Variants in DCAF17 observed in about 807,000 individuals in gnomAD.
DCAF17 encodes DDB1 and CUL4 associated factor 17.
Under a neutral mutation model 66.0 loss-of-function variants are expected in DCAF17, and 48 were observed. That is an observed-to-expected ratio of 0.73 (90% CI 0.58 to 0.92). The LOEUF (loss-of-function observed/expected upper bound fraction) is 0.92. Among genes scored for constraint, DCAF17 ranks in the 40% least tolerant of loss-of-function variants. The pLI is 0.00. For synonymous variants in DCAF17, 206 were observed against 214.6 expected (o/e 0.96, Z 0.35); for missense variants, 562 against 622.8 (o/e 0.90, Z 1.04).
intron 11 of DCAF17, 105 bp downstream of exon 11, chr2:171,477,055 C>T: frequency 1.2e-6 from 1 of 846,014 alleles, no homozygotes; most frequent in East Asian, 2.7e-5. Flanking sequence ...AACAACAGCA[C>T]AGCCCTATAA....
chr2:171,457,989 G>C lies in DCAF17; in HGVS notation c.646G>C (p.Asp216His). ...INKKIFGNVT[D>H]ATLSHGILIV... ...CCGCCAGATTTTTGGGAACGTTACA[G>C]ATGCTACCTTGTCTCATGGAATACT... The change falls in exon 7 of 14, where the codon GAT becomes CAT. Residue 216 changes from aspartate to histidine, a missense_variant. Physicochemically the swap from Asp to His is moderately conservative, Grantham distance 81. This residue lies in a region of DCAF17 where 348 missense variants were observed against 355.9 expected (regional missense o/e 0.98). Coordinates refer to ENST00000375255, the MANE Select transcript of DCAF17 (RefSeq NM_025000.4). The C allele has an allele frequency of 6.2e-7, 1 of 1,614,104 alleles. No individual in the cohort carries two copies. Among genetic ancestry groups the C allele is most frequent in the Non-Finnish European group, 8.5e-7 (1 of 1,179,962 alleles).
At chr2:171,448,137 AC>A (rs1264122675) in intron 3 of DCAF17, among the ~76,000 whole-genome samples, 1 of 151,744 alleles carries the variant, frequency 6.6e-6, no homozygotes, top group East Asian at 1.9e-4. Context: ...CTAGCAGAGA[AC>A]CCTTTTTTTT....
chr2:171,478,960 A>C (rs1420441379), intron 12 of DCAF17, among the ~76,000 whole-genome samples: 3 of 152,168 alleles, frequency 2.0e-5, no homozygotes, highest in Non-Finnish European at 4.4e-5. Context: ...AAAACAGGAG[A>C]TGCTCTGTAT....
At chr2:171,460,298 G>GGGC (rs1251762183) in intron 8 of DCAF17, among the ~76,000 whole-genome samples, 1 of 148,916 alleles carries the variant, frequency 6.7e-6, no homozygotes, top group African/African-American at 2.5e-5. Context: ...ACTCTAGCCT[G>GGGC]GGCGATTGAG....
Position 171,434,505 on chromosome 2 carries a change from C to T in DCAF17, c.-73C>T, listed in dbSNP as rs1693640068. On this transcript the variant is annotated 5_prime_UTR_variant, in exon 1 of 14. Transcript: ENST00000375255. ...GGGCCTCGAAATTCGAAGGCAGCGG[C>T]GGCTGCCCAGCACGGGAGTGTGGGG... is the stretch of plus-strand genomic sequence containing the variant. The T allele has an allele frequency of 6.6e-7, 1 of 1,522,782 alleles. No individual in the cohort carries two copies. The highest frequency in any genetic ancestry group is 2.5e-5 in the East Asian group (1 of 40,252). 94.3% of individuals were successfully genotyped at this position (1,522,782 alleles called of 1,614,324 possible).
chr2:171,465,358 T>G (rs556077580), intron 8 of DCAF17, among the ~76,000 whole-genome samples: 2 of 152,326 alleles, frequency 1.3e-5, no homozygotes, highest in African/African-American at 2.4e-5. Context: ...CATGACCTAA[T>G]TAGATTCATT....
At chr2:171,457,506 A>C (rs1416070911) in intron 6 of DCAF17, among the ~76,000 whole-genome samples, 1 of 152,250 alleles carries the variant, frequency 6.6e-6, no homozygotes, top group Admixed American at 6.5e-5. Context: ...CTTACCATGC[A>C]TGAAAGACTA....
intron 4 of DCAF17, among the ~76,000 whole-genome samples, chr2:171,449,162 C>A (rs1307466538): frequency 6.6e-6 from 1 of 152,172 alleles, no homozygotes; most frequent in Non-Finnish European, 1.5e-5. Flanking sequence ...GTGTGCACCC[C>A]ATGCCCAGCT....
At position 171,435,143 on chromosome 2, in the gene DCAF17, A is replaced by G; in HGVS notation, c.187A>G (p.Arg63Gly). 1 of 1,613,754 alleles carries G rather than the reference A, an allele frequency of 6.2e-7. No individual in the cohort carries two copies. The highest frequency in any genetic ancestry group is 2.2e-5 in the East Asian group (1 of 44,858). Residue 63 changes from arginine (R) to glycine (G), a missense_variant, in exon 2 of 14, where the codon AGA becomes GGA. Physicochemically the swap from Arg to Gly is moderately radical, Grantham distance 125 (BLOSUM62 -2). This residue lies in a region of DCAF17 where 348 missense variants were observed against 355.9 expected (regional missense o/e 0.98). Transcript: ENST00000375255. ...TTCCAGGTCACCTATAGCCTATGAG[A>G]GAGGAAGAATATATTTTGACAATTA... is the stretch of plus-strand genomic sequence containing the variant. ...THSRSPIAYE[R>G]GRIYFDNYRR...
intron 8 of DCAF17, among the ~76,000 whole-genome samples, chr2:171,467,988 T>A (rs114770484): frequency 0.013 from 1,927 of 152,164 alleles, 45 homozygotes; most frequent in African/African-American, 0.044. Context: ...AAAAATTAAA[T>A]TCTCAAGTTA....
intron 4 of DCAF17, among the ~76,000 whole-genome samples, chr2:171,449,453 A>G (rs560230950): frequency 8.5e-5 from 13 of 152,214 alleles, no homozygotes; most frequent in Non-Finnish European, 1.8e-4. Flanking sequence ...AGTCTGTTTC[A>G]GTTAAATTGT....
intron 5 of DCAF17, among the ~76,000 whole-genome samples, chr2:171,451,562 A>G (rs1694954013): frequency 6.6e-6 from 1 of 152,158 alleles, no homozygotes; most frequent in Admixed American, 6.6e-5. Context: ...ATTGCTAAAG[A>G]GCAAGAATTT....
chr2:171,468,166 A>T (rs1352290711), intron 8 of DCAF17, among the ~76,000 whole-genome samples: 1 of 152,102 alleles, frequency 6.6e-6, no homozygotes, highest in Non-Finnish European at 1.5e-5. Flanking sequence ...ATAAAAGAAG[A>T]TGACTAAAAA....
intron 9 of DCAF17, among the ~76,000 whole-genome samples, chr2:171,471,966 G>C (rs951312519): frequency 4.0e-5 from 6 of 150,990 alleles, no homozygotes; most frequent in Non-Finnish European, 7.4e-5. Context: ...AGTGAGCCGA[G>C]ATCACACCAC....
chr2:171,455,868 TTTC>T (rs1165976013), intron 6 of DCAF17, among the ~76,000 whole-genome samples: 2 of 152,206 alleles, frequency 1.3e-5, no homozygotes, highest in African/African-American at 4.8e-5. Context: ...GTTGTTTTTT[TTTC>T]TTGTAAATTT....
intron 8 of DCAF17, among the ~76,000 whole-genome samples, chr2:171,466,883 T>A (rs902450174): frequency 6.6e-6 from 1 of 152,076 alleles, no homozygotes; most frequent in Non-Finnish European, 1.5e-5. Context: ...AATTTTTCTC[T>A]TCTTCATCCA....
At chr2:171,449,069 C>T (rs1417245064) in intron 4 of DCAF17, among the ~76,000 whole-genome samples, 2 of 151,754 alleles carry the variant, frequency 1.3e-5, no homozygotes, top group Non-Finnish European at 2.9e-5. Context: ...AGTGCAGTGG[C>T]GTGATCTCTG....
chr2:171,474,895 A>G (rs555309774), intron 10 of DCAF17, among the ~76,000 whole-genome samples: 80 of 152,340 alleles, frequency 5.3e-4, no homozygotes, highest in African/African-American at 1.8e-3. Context: ...GGCTACAGTA[A>G]TAGCCCACTC....
intron 10 of DCAF17, among the ~76,000 whole-genome samples, chr2:171,474,854 T>C (rs1403942788): frequency 6.6e-6 from 1 of 152,252 alleles, no homozygotes; most frequent in Non-Finnish European, 1.5e-5. Flanking sequence ...ACTGTCTTCA[T>C]CTTGGCCAGG....
Sources: gnomAD v4.1 joint callset for allele counts (sites outside exome capture counted in the v4.1 genomes callset) on GRCh38, gnomAD v4.1.1 for gene constraint, gnomAD v4.1.1 regional missense constraint, MANE v1.5 for transcripts, NCBI Gene and HGNC (gene_info 2026-07-23, HGNC 2026-07-21) for gene names.